Variants in R3HDM2 observed in about 807,000 individuals in gnomAD.
R3HDM2 encodes R3H domain-containing protein 2.
R3HDM2 carries 38 observed loss-of-function variants against 124.5 expected under a neutral mutation model. The observed-to-expected ratio is 0.31, with a 90% CI of 0.24 to 0.40. R3HDM2 has a LOEUF of 0.40. Among genes scored for constraint, R3HDM2 ranks in the 10% least tolerant of loss-of-function variants. The pLI, the probability that R3HDM2 is intolerant of heterozygous loss-of-function variation, is 1.00. For synonymous variants in R3HDM2, 391 were observed against 448.0 expected, an observed-to-expected ratio of 0.87 and a Z score of 1.61; for missense variants, 869 against 1,236.9, an observed-to-expected ratio of 0.70 and a Z score of 4.46.
intron 16 of R3HDM2, 62 bp from the exon 17 acceptor site, chr12:57,269,144 G>C (rs1258020574): frequency 1.6e-5 from 26 of 1,586,608 alleles, no homozygotes; most frequent in Non-Finnish European, 2.2e-5. Flanking sequence ...CACTCTATCT[G>C]TAATTTCCTT....
rs1464037504 is a variant in R3HDM2 at position 57,254,577 on chromosome 12, A to T, written c.*196T>A. ...AGGGGGGTCAACCAGGGAAAAAGAG[A>T]GGACCCATGGCAGGGGAGCAAGAAG... On this transcript the variant is annotated 3_prime_UTR_variant, in exon 24 of 24. Coordinates refer to ENST00000402412, the MANE Select transcript of R3HDM2 (RefSeq NM_001394031.1). The T allele has an allele frequency of 1.9e-6, 1 of 524,898 alleles. No homozygotes were observed. Among genetic ancestry groups the T allele is most frequent in the African/African-American group, 2.0e-5 (1 of 50,720 alleles). 32.5% of individuals were successfully genotyped at this position (524,898 alleles called of 1,614,324 possible). A position where few individuals can be genotyped will look rare whatever the true frequency, so the allele number is the denominator to read the frequency against.
intron 2 of R3HDM2, among the ~76,000 whole-genome samples, chr12:57,336,084 G>GTT (rs559043957): frequency 7.1e-6 from 1 of 140,584 alleles, no homozygotes; most frequent in Admixed American, 7.1e-5. Flanking sequence ...CTCATTGTGG[G>GTT]TTTTTTTTTT....
chr12:57,270,097 T>A, intron 14 of R3HDM2, 103 bp from the exon 15 acceptor site: 1 of 1,385,038 alleles, frequency 7.2e-7, no homozygotes, highest in South Asian at 1.3e-5. Context: ...ACAACCTTCT[T>A]TAAAACAATG....
At chr12:57,284,616 A>G (rs1163334356) in intron 12 of R3HDM2, among the ~76,000 whole-genome samples, 1 of 152,244 alleles carries the variant, frequency 6.6e-6, no homozygotes, top group Non-Finnish European at 1.5e-5. Flanking sequence ...GGCACTAACT[A>G]TGGAAAACTC....
chr12:57,351,917 A>T (rs1246857735), intron 2 of R3HDM2, among the ~76,000 whole-genome samples: 1 of 152,204 alleles, frequency 6.6e-6, no homozygotes, highest in Non-Finnish European at 1.5e-5. Flanking sequence ...AAAAGCAGTA[A>T]GACATAAAAA....
chr12:57,354,375 C>T (rs7488040), intron 2 of R3HDM2, among the ~76,000 whole-genome samples: 1,740 of 152,168 alleles, frequency 0.011, 31 homozygotes, highest in African/African-American at 0.039. Flanking sequence ...TTCATGTAAC[C>T]TCTGGCTCCC....
Position 57,397,097 on chromosome 12 carries a change from GA to G in R3HDM2, c.-105-1280del, listed in dbSNP as rs879440991. ...AGCAAGAGCAAAACTCCATCTCAAAGAAAAAAAAAAAATTGTCTAGAACTGA... is the reference window on the plus strand; with the variant it reads ...AGCAAGAGCAAAACTCCATCTCAAAGAAAAAAAAAAATTGTCTAGAACTGA... On this transcript the variant is annotated intron_variant, in intron 1 of 23. Coordinates refer to ENST00000402412, the MANE Select transcript of R3HDM2 (RefSeq NM_001394031.1). 7.1e-3 allele frequency among the ~76,000 whole-genome samples: 996 copies of G among 140,420 alleles called. 1 individual carries two copies. The highest frequency in any genetic ancestry group is 0.011 in the Middle Eastern group (3 of 280). 92.1% of individuals were successfully genotyped at this position (140,420 alleles called of 152,430 possible). A position where few individuals can be genotyped will look rare whatever the true frequency, so the allele number is the denominator to read the frequency against.
intron 2 of R3HDM2, among the ~76,000 whole-genome samples, chr12:57,388,981 A>G (rs2066283382): frequency 1.3e-5 from 2 of 152,182 alleles, no homozygotes; most frequent in African/African-American, 4.8e-5. Context: ...TTTTCACCAA[A>G]TATTTCAATC....
At chr12:57,329,377 G>C (rs2057791701) in intron 2 of R3HDM2, among the ~76,000 whole-genome samples, 1 of 152,182 alleles carries the variant, frequency 6.6e-6, no homozygotes, top group South Asian at 2.1e-4. Context: ...ATTTGGCTGT[G>C]TGACTACTGT....
intron 13 of R3HDM2, among the ~76,000 whole-genome samples, chr12:57,282,260 G>A (rs900212449): frequency 2.0e-5 from 3 of 148,596 alleles, no homozygotes; most frequent in Admixed American, 6.8e-5. Context: ...GCAGTGAGCC[G>A]AGGTCGTGCC....
intron 1 of R3HDM2, chr12:57,430,489 GC>G: frequency 3.8e-6 from 3 of 790,562 alleles, no homozygotes; most frequent in Non-Finnish European, 4.6e-6. Flanking sequence ...CCACCCCCCT[GC>G]CCCCGCACCG....
At chr12:57,256,580 G>A in intron 21 of R3HDM2, 69 bp from the exon 22 acceptor site, 1 of 1,226,466 alleles carries the variant, frequency 8.2e-7, no homozygotes, top group South Asian at 1.5e-5. Flanking sequence ...AAGACTTCAA[G>A]GGGCTTTGGA....
intron 2 of R3HDM2, among the ~76,000 whole-genome samples, chr12:57,377,422 T>G (rs2064237450): frequency 6.6e-6 from 1 of 151,988 alleles, no homozygotes; most frequent in African/African-American, 2.4e-5. Context: ...TCCTCCCAAA[T>G]TTGAACATGG....
At chr12:57,416,761 C>T in intron 1 of R3HDM2, among the ~76,000 whole-genome samples, 1 of 151,312 alleles carries the variant, frequency 6.6e-6, no homozygotes, top group East Asian at 2.0e-4. Context: ...TGAGCTGAGA[C>T]TGCGCCACTG....
chr12:57,428,641 C>T (rs1274100510), intron 1 of R3HDM2, among the ~76,000 whole-genome samples: 1 of 151,688 alleles, frequency 6.6e-6, no homozygotes, highest in Non-Finnish European at 1.5e-5. Flanking sequence ...GGTGACATAG[C>T]GAGAAAGAAC....
chr12:57,356,028 C>A (rs933317264), intron 2 of R3HDM2, among the ~76,000 whole-genome samples: 5 of 152,154 alleles, frequency 3.3e-5, no homozygotes, highest in Admixed American at 6.6e-5. Flanking sequence ...CTGTTTTTCC[C>A]TTTTCAATCT....
At chr12:57,305,704 T>C (rs1369626856) in intron 3 of R3HDM2, 1 of 398,768 alleles carries the variant, frequency 2.5e-6, no homozygotes, top group African/African-American at 2.1e-5. Context: ...TACAGTACAT[T>C]AAGTGTACTA....
intron 2 of R3HDM2, among the ~76,000 whole-genome samples, chr12:57,393,186 C>T (rs1303061159): frequency 6.6e-6 from 1 of 152,060 alleles, no homozygotes; most frequent in Non-Finnish European, 1.5e-5. Flanking sequence ...TCACTGCAAC[C>T]TCCACCTCCC....
Position 57,258,953 on chromosome 12 carries a change from G to A in R3HDM2, c.2238C>T (p.Tyr746=). 6.2e-7 allele frequency: 1 copy of A among 1,612,802 alleles called. No individual in the cohort carries two copies. ...PSMVQWSHCK[Y]YSMDQRGQKP... is the part of the protein sequence containing the mutation. ...TCTGCCCCCGCTGGTCCATGCTGTA[G>A]TATTTACAATGACTCCACTGGACCA... The change falls in exon 20 of 24, where the codon TAC becomes TAT. Residue 746 remains tyrosine, a synonymous_variant. Coordinates refer to ENST00000402412, the MANE Select transcript of R3HDM2 (RefSeq NM_001394031.1).
Sources: gnomAD v4.1 joint callset for allele counts (sites outside exome capture counted in the v4.1 genomes callset) on GRCh38, gnomAD v4.1.1 for gene constraint, MANE v1.5 for transcripts, NCBI Gene and HGNC (gene_info 2026-07-23, HGNC 2026-07-21) for gene names.